EXOC1: variants seen among roughly 807,000 people sequenced by gnomAD.
EXOC1 encodes the protein SEC3-like 1.
In EXOC1, 67 loss-of-function variants were observed where a neutral mutation model predicts 107.7. The ratio of observed to expected loss-of-function variants is 0.62; its 90% CI spans 0.51 to 0.76. EXOC1 has a LOEUF of 0.76. Among genes scored for constraint, EXOC1 ranks in the 30% least tolerant of loss-of-function variants. The pLI is 0.00. For synonymous variants in EXOC1, 348 were observed against 353.5 expected (o/e 0.98, Z 0.17); for missense variants, 833 against 1,055.7 (o/e 0.79, Z 2.92).
intron 8 of EXOC1, 40 bp downstream of exon 8, chr4:55,871,998 G>C: frequency 6.5e-7 from 1 of 1,549,226 alleles, no homozygotes; most frequent in Non-Finnish European, 8.9e-7. Context: ...TGTTCCTATA[G>C]CTTATTTATG....
At chr4:55,861,945 T>G (rs1182379483) in intron 3 of EXOC1, among the ~76,000 whole-genome samples, 1 of 152,152 alleles carries the variant, frequency 6.6e-6, no homozygotes, top group Non-Finnish European at 1.5e-5. Flanking sequence ...TCCCAGCTTC[T>G]TGGGAGGCTG....
chr4:55,863,170 G>A (rs1721634737), intron 3 of EXOC1, among the ~76,000 whole-genome samples: 2 of 152,116 alleles, frequency 1.3e-5, no homozygotes, highest in African/African-American at 4.8e-5. Flanking sequence ...AAAGTGCTAG[G>A]ATTACAGGCG....
chr4:55,904,077 T>G (rs950859891), intron 18 of EXOC1, among the ~76,000 whole-genome samples: 1 of 151,758 alleles, frequency 6.6e-6, no homozygotes, highest in Non-Finnish European at 1.5e-5. Flanking sequence ...TTATGTACAT[T>G]TCTTATTTAA....
intron 12 of EXOC1, among the ~76,000 whole-genome samples, chr4:55,890,730 TTTTG>T (rs1264509807): frequency 5.3e-5 from 8 of 152,114 alleles, no homozygotes; most frequent in African/African-American, 1.4e-4. Context: ...AAATAAGTTT[TTTTG>T]TTTGTTTGTT....
At chr4:55,898,482 TA>T (rs5858355) in intron 16 of EXOC1, among the ~76,000 whole-genome samples, 31,838 of 152,066 alleles carry the variant, frequency 0.21, 3,636 homozygotes, top group Non-Finnish European at 0.25. Context: ...TTAGCATTGT[TA>T]TTGAAGTGCT....
intron 13 of EXOC1, 58 bp downstream of exon 13, chr4:55,891,480 T>C (rs1201803341): frequency 8.8e-7 from 1 of 1,137,034 alleles, no homozygotes; most frequent in Non-Finnish European, 1.3e-6. Context: ...ATTAGCTTAA[T>C]TAATATGTGG....
intron 5 of EXOC1, among the ~76,000 whole-genome samples, chr4:55,869,131 T>A (rs1025474746): frequency 6.6e-6 from 1 of 151,986 alleles, no homozygotes; most frequent in Non-Finnish European, 1.5e-5. Flanking sequence ...TTTCGGAGAC[T>A]GAGGCGAGCA....
chr4:55,890,291 TC>T lies in EXOC1; in HGVS notation c.1445del (p.Ser482Ter). 3.1e-6 allele frequency: 5 copies of T among 1,614,060 alleles called. No homozygotes were observed. The highest frequency in any genetic ancestry group is 4.2e-6 in the Non-Finnish European group (5 of 1,179,954). On this transcript the variant is annotated frameshift_variant, in exon 12 of 19. Coordinates refer to ENST00000381295, the MANE Select transcript of EXOC1 (RefSeq NM_001024924.2). LOFTEE classifies it high-confidence loss of function. Reference sequence around the variant, plus strand: ...TCTAAATAAGCTCAGTGTTCAGAGTTCAGGGAATCGCAGATCTCAGTCATCT... The same window carrying T: ...TCTAAATAAGCTCAGTGTTCAGAGTTAGGGAATCGCAGATCTCAGTCATCT... ...SSLNKLSVQS[S>X]GNRRSQSSSL...
chr4:55,892,609 G>A, intron 13 of EXOC1, 26 bp from the exon 14 acceptor site: 1 of 1,608,524 alleles, frequency 6.2e-7, no homozygotes, highest in Non-Finnish European at 8.5e-7. Context: ...CTTTTATTAT[G>A]TAAAGTGCCT....
intron 7 of EXOC1, 36 bp downstream of exon 7, chr4:55,871,269 A>G (rs868428746): frequency 6.3e-7 from 1 of 1,592,192 alleles, no homozygotes; most frequent in South Asian, 1.1e-5. Flanking sequence ...TGTGACCAAG[A>G]ATGTGAGACT....
At chr4:55,899,138 A>G (rs1338245877) in intron 16 of EXOC1, among the ~76,000 whole-genome samples, 1 of 152,086 alleles carries the variant, frequency 6.6e-6, no homozygotes, top group African/African-American at 2.4e-5. Flanking sequence ...TTGATTTTGT[A>G]TATGGTGTCT....
chr4:55,878,004 T>C lies in EXOC1; in HGVS notation c.1162T>C (p.Tyr388His), dbSNP rs780586049. ...HHPFHRDLLR[Y>H]AKLMEWLKST... ...TCCATTTCATAGAGATTTGCTCCGATATGCCAAGCTGATGGAGTGGCTAAA... is the reference window on the plus strand; with the variant it reads ...TCCATTTCATAGAGATTTGCTCCGACATGCCAAGCTGATGGAGTGGCTAAA... Residue 388 changes from tyrosine to histidine, a missense_variant, in exon 9 of 19, where the codon TAT (tyrosine) becomes CAT (histidine). Physicochemically the swap from Tyr to His is moderately conservative, Grantham distance 83. This residue lies in a region of EXOC1 where 617 missense variants were observed against 701.3 expected (regional missense o/e 0.88). Coordinates refer to ENST00000381295, the MANE Select transcript of EXOC1 (RefSeq NM_001024924.2). 3.7e-6 allele frequency: 6 copies of C among 1,613,922 alleles called. No individual in the cohort carries two copies. The highest frequency in any genetic ancestry group is 4.5e-5 in the East Asian group (2 of 44,834).
intron 1 of EXOC1, among the ~76,000 whole-genome samples, chr4:55,857,447 C>T (rs1299818879): frequency 6.6e-6 from 1 of 152,036 alleles, no homozygotes; most frequent in African/African-American, 2.4e-5. Flanking sequence ...GGATTACAAG[C>T]GTGAGCCACC....
chr4:55,876,580 A>G (rs1577720361), intron 8 of EXOC1: 1 of 984,610 alleles, frequency 1.0e-6, no homozygotes, highest in African/African-American at 1.7e-5. Context: ...GAAAGGGATT[A>G]TGGACCTATT....
intron 3 of EXOC1, 37 bp downstream of exon 3, chr4:55,860,578 A>C (rs771971600): frequency 1.2e-6 from 2 of 1,609,012 alleles, no homozygotes; most frequent in Non-Finnish European, 1.7e-6. Context: ...GTGTTCAGAA[A>C]GCATCTTTCA....
At chr4:55,897,788 G>C (rs1220606154) in intron 16 of EXOC1, among the ~76,000 whole-genome samples, 1 of 152,056 alleles carries the variant, frequency 6.6e-6, no homozygotes, top group Non-Finnish European at 1.5e-5. Flanking sequence ...GCTAATTTTT[G>C]TATTTTTAAT....
chr4:55,889,638 T>A (rs150321202), intron 11 of EXOC1, among the ~76,000 whole-genome samples: 110 of 152,324 alleles, frequency 7.2e-4, no homozygotes, highest in African/African-American at 2.6e-3. Context: ...CTATAATCAG[T>A]TCACTTACTG....
chr4:55,887,180 A>ATTTGTGTGAGATT (rs146617711), intron 10 of EXOC1, among the ~76,000 whole-genome samples: 1 of 151,822 alleles, frequency 6.6e-6, no homozygotes, highest in South Asian at 2.1e-4. Flanking sequence ...ATCACCTCTC[A>ATTTGTGTGAGATT]TTAGTCCCTT....
At chr4:55,873,289 C>T (rs1212863524) in intron 8 of EXOC1, among the ~76,000 whole-genome samples, 3 of 151,886 alleles carry the variant, frequency 2.0e-5, no homozygotes, top group Non-Finnish European at 2.9e-5. Context: ...ACTAAAAGCA[C>T]GGTAGGGGGG....
Sources: gnomAD v4.1 joint callset for allele counts (sites outside exome capture counted in the v4.1 genomes callset) on GRCh38, gnomAD v4.1.1 for gene constraint, gnomAD v4.1.1 regional missense constraint, MANE v1.5 for transcripts, NCBI Gene and HGNC (gene_info 2026-07-23, HGNC 2026-07-21) for gene names.